ADCY8: variants seen among roughly 807,000 people sequenced by gnomAD.
ADCY8 encodes adenylate cyclase type 8.
In ADCY8, 51 loss-of-function variants were observed where a neutral mutation model predicts 119.7. The ratio of observed to expected loss-of-function variants is 0.43; its 90% CI spans 0.34 to 0.54. The LOEUF (loss-of-function observed/expected upper bound fraction) is 0.54. ADCY8 is among the 20% of genes least tolerant of loss of function. The pLI is 0.03. For synonymous variants in ADCY8, 665 were observed against 651.0 expected, an observed-to-expected ratio of 1.02 and a Z score of -0.33; for missense variants, 1,383 against 1,598.8, an observed-to-expected ratio of 0.87 and a Z score of 2.30.
intron 2 of ADCY8, among the ~76,000 whole-genome samples, chr8:130,959,019 C>G (rs1821520220): frequency 2.0e-5 from 3 of 152,150 alleles, no homozygotes; most frequent in Non-Finnish European, 2.9e-5. Context: ...TGTAGGATTT[C>G]TGTAATTACG....
rs1304288028 is a variant in ADCY8 at position 131,040,393 on chromosome 8, C to G, written c.-60G>C. On this transcript the variant is annotated 5_prime_UTR_variant, in exon 1 of 18. Transcript: ENST00000286355. ...TGGGGAGGCAGCCGGAGGAGGGGTT[C>G]CTAAAGACTCAAAGGCGGCCTGGTA... 10 of 1,426,830 alleles carry G rather than the reference C, an allele frequency of 7.0e-6. No individual in the cohort carries two copies. Among genetic ancestry groups the G allele is most frequent in the African/African-American group, 1.5e-5 (1 of 68,094 alleles). The allele number at this position is 1,426,830 out of a possible 1,614,324, so 88.4% of individuals were successfully genotyped here.
chr8:130,892,557 T>C (rs1452447233), intron 7 of ADCY8: 1 of 152,180 alleles, frequency 6.6e-6, no homozygotes, highest in Non-Finnish European at 1.5e-5. Flanking sequence ...AACTGGAGCA[T>C]GAAAACAGTT....
chr8:130,794,305 T>C (rs1815512879), intron 15 of ADCY8, among the ~76,000 whole-genome samples: 1 of 152,176 alleles, frequency 6.6e-6, no homozygotes, highest in Non-Finnish European at 1.5e-5. Context: ...AGTGCAGTGG[T>C]GCGATCTCGG....
At position 130,846,237 on chromosome 8, in the gene ADCY8, G is replaced by T. The variant is rs6982929; in HGVS notation, c.2502+1187C>A. On this transcript the variant is annotated intron_variant, in intron 11 of 17. Transcript: ENST00000286355. The stretch of plus-strand genomic sequence containing the variant: ...TATGGGGTTGGCTGGGGTCTGCTGG[G>T]ACATGTTAACTGTTCTACTTTATGA... Among the ~76,000 whole-genome samples the T allele has an allele frequency of 1.5e-3, 231 of 152,168 alleles. 2 individuals carry two copies. The highest frequency in any genetic ancestry group is 5.0e-3 in the East Asian group (26 of 5,158).
chr8:131,039,076 C>T (rs573321259), intron 1 of ADCY8, among the ~76,000 whole-genome samples: 52 of 152,246 alleles, frequency 3.4e-4, no homozygotes, highest in African/African-American at 1.2e-3. Context: ...GACTGCAGAC[C>T]CTGAGGGAGG....
At chr8:131,029,432 C>G (rs1823927759) in intron 1 of ADCY8, among the ~76,000 whole-genome samples, 1 of 152,102 alleles carries the variant, frequency 6.6e-6, no homozygotes, top group Non-Finnish European at 1.5e-5. Context: ...AGGTTGGGGA[C>G]TGCAGCTATA....
chr8:130,870,037 G>C, intron 8 of ADCY8, among the ~76,000 whole-genome samples: 1 of 126,170 alleles, frequency 7.9e-6, no homozygotes, highest in Non-Finnish European at 1.6e-5. Context: ...TTTTTTGATG[G>C]AGTCTTGCTC....
chr8:131,038,225 AG>A (rs1049700974), intron 1 of ADCY8, among the ~76,000 whole-genome samples: 33 of 152,308 alleles, frequency 2.2e-4, no homozygotes, highest in African/African-American at 7.9e-4. Context: ...GTTTATTCTA[AG>A]CATCATCTAT....
chr8:130,781,223 T>G (rs921200758), intron 17 of ADCY8, among the ~76,000 whole-genome samples: 1 of 152,204 alleles, frequency 6.6e-6, no homozygotes, highest in Admixed American at 6.5e-5. Context: ...TGTGAGATGA[T>G]CAGAGCATGG....
intron 7 of ADCY8, among the ~76,000 whole-genome samples, chr8:130,887,979 T>C (rs1343118137): frequency 6.6e-6 from 1 of 152,170 alleles, no homozygotes; most frequent in Non-Finnish European, 1.5e-5. Flanking sequence ...CTATTTTTAA[T>C]AGAATAGGGC....
chr8:130,953,481 C>T (rs530110843), intron 2 of ADCY8, among the ~76,000 whole-genome samples: 1 of 152,090 alleles, frequency 6.6e-6, no homozygotes, highest in Non-Finnish European at 1.5e-5. Flanking sequence ...ACTTGCACAA[C>T]CTGAACAGTT....
chr8:130,961,846 T>C (rs1384770539), intron 2 of ADCY8, among the ~76,000 whole-genome samples: 1 of 152,160 alleles, frequency 6.6e-6, no homozygotes, highest in African/African-American at 2.4e-5. Context: ...CAGTGACCAG[T>C]AATGTTCCTG....
chr8:131,031,223 A>G (rs902766955), intron 1 of ADCY8, among the ~76,000 whole-genome samples: 1 of 152,214 alleles, frequency 6.6e-6, no homozygotes, highest in Non-Finnish European at 1.5e-5. Flanking sequence ...GGAATGCCCA[A>G]TGGCAAGGAG....
chr8:130,883,201 A>G (rs908546901), intron 8 of ADCY8, among the ~76,000 whole-genome samples: 3 of 152,226 alleles, frequency 2.0e-5, no homozygotes, highest in Non-Finnish European at 4.4e-5. Context: ...AGCGTTTTGT[A>G]TAGCTCTGGA....
chr8:130,821,628 A>G (rs1206842664), intron 12 of ADCY8, among the ~76,000 whole-genome samples: 2 of 152,228 alleles, frequency 1.3e-5, no homozygotes, highest in Admixed American at 1.3e-4. Flanking sequence ...CCCAGAACAC[A>G]TATGGTGAAA....
intron 13 of ADCY8, among the ~76,000 whole-genome samples, chr8:130,818,555 C>T (rs1816413162): frequency 6.6e-6 from 1 of 152,226 alleles, no homozygotes; most frequent in African/African-American, 2.4e-5. Flanking sequence ...TAACCACCTC[C>T]GTCCCTCTGG....
Position 130,821,377 on chromosome 8 carries a change from T to C in ADCY8, c.2719A>G (p.Met907Val), listed in dbSNP as rs760345728. 9 of 1,613,528 alleles carry C rather than the reference T, an allele frequency of 5.6e-6. No homozygotes were observed. Among genetic ancestry groups the C allele is most frequent in the Middle Eastern group, 3.3e-4 (2 of 6,058 alleles). ...TGGTAGAACACAGCCAGGAGGAACA[T>C]GGCCATCAGTAGCAGTGATACCTCC... ...TKEVSLLLMA[M>V]FLLAVFYHGQ... is the part of the protein sequence containing the mutation. Residue 907 changes from methionine to valine, a missense_variant, in exon 13 of 18, where the codon ATG becomes GTG. This residue lies in a region of ADCY8 where 928 missense variants were observed against 1,163.5 expected (regional missense o/e 0.80). Transcript: ENST00000286355.
chr8:130,997,224 G>C (rs1822804547), intron 1 of ADCY8, among the ~76,000 whole-genome samples: 1 of 151,198 alleles, frequency 6.6e-6, no homozygotes, highest in Admixed American at 6.6e-5. Flanking sequence ...AAAATATGAA[G>C]AAATATATAT....
intron 7 of ADCY8, among the ~76,000 whole-genome samples, chr8:130,897,582 C>G (rs556967320): frequency 2.3e-5 from 3 of 132,412 alleles, no homozygotes; most frequent in South Asian, 4.8e-4. Flanking sequence ...CAAAATTTAG[C>G]TGGAGCAGAA....
Sources: allele counts gnomAD v4.1 joint callset (sites outside exome capture counted in the v4.1 genomes callset), GRCh38; gene constraint gnomAD v4.1.1; regional missense constraint gnomAD v4.1.1; transcripts MANE v1.5; gene names NCBI Gene and HGNC (gene_info 2026-07-23, HGNC 2026-07-21).